CA14: variants seen among roughly 807,000 people sequenced by gnomAD.
CA14 encodes the protein CA-XIV.
CA14 carries 44 observed loss-of-function variants against 48.8 expected under a neutral mutation model. The ratio of observed to expected loss-of-function variants is 0.90; its 90% CI spans 0.71 to 1.16. The LOEUF is 1.16. CA14 is among the 50% of genes most tolerant of loss of function. The pLI, the probability that CA14 is intolerant of heterozygous loss-of-function variation, is 0.00. For synonymous variants in CA14, 154 were observed against 155.0 expected (o/e 0.99, Z 0.05); for missense variants, 386 against 401.0 (o/e 0.96, Z 0.32).
intron 2 of CA14, chr1:150,261,146 C>T (rs1455724927): frequency 2.8e-6 from 1 of 359,610 alleles, no homozygotes; most frequent in Non-Finnish European, 5.1e-6. Context: ...TATGCATCCC[C>T]TCTGCCCTCA....
At chr1:150,261,699 T>C in intron 3 of CA14, 61 bp downstream of exon 3, 1 of 1,495,552 alleles carries the variant, frequency 6.7e-7, no homozygotes, top group Non-Finnish European at 9.1e-7. Context: ...GTCAGATCCT[T>C]TTGTAGTTCA....
In CA14 at chr1:150,261,648, C is replaced by A; in HGVS notation, c.256+10C>A. ...AACAATGGCCACACAGGTAAAAGCA[C>A]AGGCTCCAAGGAGTTGTAGGCTCCA... On this transcript the variant is annotated intron_variant, in intron 3 of 10. Coordinates refer to ENST00000369111, the MANE Select transcript of CA14 (RefSeq NM_012113.3). 6.2e-7 allele frequency: 1 copy of A among 1,612,488 alleles called. No homozygotes were observed. The highest frequency in any genetic ancestry group is 8.5e-7 in the Non-Finnish European group (1 of 1,179,052).
rs782536133 is a variant in CA14, at chr1:150,261,526, C to A, written c.144C>A (p.Ile48=). 2 of 1,614,108 alleles carry A rather than the reference C, an allele frequency of 1.2e-6. No homozygotes were observed. The highest frequency in any genetic ancestry group is 2.2e-5 in the South Asian group (2 of 91,080). ...GTGGAAACAATGCCCAGTCGCCCAT[C>A]GATATTCAGACAGACAGTGTGACAT... ...PECGNNAQSP[I]DIQTDSVTFD... Residue 48 remains isoleucine, a synonymous_variant, in exon 3 of 11, where the codon ATC becomes ATA. Coordinates refer to ENST00000369111, the MANE Select transcript of CA14 (RefSeq NM_012113.3).
chr1:150,263,808 C>A lies in CA14; in HGVS notation c.877C>A (p.Leu293Ile). ...SSYTTGEMLS[L>I]GVGILVGCLC... ...ATCTCCCCCAGGTGAAATGCTGAGT[C>A]TAGGTGTAGGAATCTTGGTTGGCTG... The change falls in exon 10 of 11, where the codon CTA becomes ATA. Residue 293 changes from leucine to isoleucine, a missense_variant. Leu to Ile is a conservative substitution (Grantham distance 5). Coordinates refer to ENST00000369111, the MANE Select transcript of CA14 (RefSeq NM_012113.3). 1.9e-6 allele frequency: 3 copies of A among 1,613,860 alleles called. No homozygotes were observed. The highest frequency in any genetic ancestry group is 2.5e-6 in the Non-Finnish European group (3 of 1,179,862).
intron 5 of CA14, 58 bp from the exon 6 acceptor site, chr1:150,262,746 A>T: frequency 6.9e-7 from 1 of 1,449,188 alleles, no homozygotes; most frequent in Non-Finnish European, 9.7e-7. Context: ...TCTGTACATA[A>T]ATTTCTTATT....
At chr1:150,258,300 C>T (rs1650719498) in intron 1 of CA14, 117 bp downstream of exon 1, 1 of 712,444 alleles carries the variant, frequency 1.4e-6, no homozygotes, top group Non-Finnish European at 2.3e-6. Context: ...ATAATAGGCT[C>T]AGAGATGAGG....
Position 150,258,009 on chromosome 1 carries a change from C to A in CA14, c.-120C>A. On this transcript the variant is annotated 5_prime_UTR_variant, in exon 1 of 11. Transcript: ENST00000369111. ...CAAGAGAAGCAGAGATAAATACACT[C>A]ACGCCAGGAGCTCGCTCGCTCTCTC... 1 of 617,492 alleles carries A rather than the reference C, an allele frequency of 1.6e-6. No individual in the cohort carries two copies. Among genetic ancestry groups the A allele is most frequent in the Non-Finnish European group, 2.7e-6 (1 of 369,602 alleles). 38.3% of individuals were successfully genotyped at this position (617,492 alleles called of 1,614,324 possible).
chr1:150,259,308 G>T (rs587615928), intron 1 of CA14, among the ~76,000 whole-genome samples: 1 of 152,256 alleles, frequency 6.6e-6, no homozygotes, highest in South Asian at 2.1e-4. Context: ...GAAGGCCTTC[G>T]TTTTCTTCTT....
At chr1:150,260,245 G>A (rs782184417) in intron 2 of CA14, 74 bp downstream of exon 2, 17 of 1,458,520 alleles carry the variant, frequency 1.2e-5, no homozygotes, top group Admixed American at 8.4e-5. Flanking sequence ...GACACACTGT[G>A]CGGGTGGGAG....
At chr1:150,258,240 G>C (rs1650710951) in intron 1 of CA14, 57 bp downstream of exon 1, 1 of 1,465,844 alleles carries the variant, frequency 6.8e-7, no homozygotes, top group South Asian at 1.2e-5. Context: ...ATGTCGCCAG[G>C]TGTGCTTAAT....
Position 150,262,547 on chromosome 1 carries a change from C to CTT in CA14, c.423_424insTT (p.Asp142LeufsTer7). Reference sequence around the variant, plus strand: ...TAGCTCCACATTGTACATTATGACTCTGATTCCTATGACAGCTTGAGTGAG... The same window carrying CTT: ...TAGCTCCACATTGTACATTATGACTCTTTGATTCCTATGACAGCTTGAGTGAG... On this transcript the variant is annotated frameshift_variant, in exon 5 of 11. Transcript: ENST00000369111. LOFTEE classifies it high-confidence loss of function. 3.7e-6 allele frequency: 6 copies of CTT among 1,613,880 alleles called. No homozygotes were observed. Among genetic ancestry groups the CTT allele is most frequent in the Non-Finnish European group, 5.1e-6 (6 of 1,179,780 alleles).
intron 1 of CA14, among the ~76,000 whole-genome samples, chr1:150,259,387 C>T (rs1439739208): frequency 1.3e-5 from 2 of 152,120 alleles, no homozygotes; most frequent in African/African-American, 4.8e-5. Flanking sequence ...CAGGACTGCA[C>T]GAGAGCCTGG....
intron 3 of CA14, among the ~76,000 whole-genome samples, 172 bp downstream of exon 3, chr1:150,261,810 C>G (rs897685640): frequency 1.3e-5 from 2 of 152,126 alleles, no homozygotes; most frequent in African/African-American, 4.8e-5. Flanking sequence ...AATAAACAAA[C>G]AAATAACCTC....
chr1:150,260,393 T>C (rs1650911523), intron 2 of CA14: 1 of 652,308 alleles, frequency 1.5e-6, no homozygotes, highest in African/African-American at 1.8e-5. Flanking sequence ...GCTAGTTAAG[T>C]CCTCAGTAAA....
rs1421108900 is a variant in CA14, at chr1:150,264,916, A to AGTT, written c.*259_*261dup. 3.0e-6 allele frequency: 1 copy of AGTT among 328,148 alleles called. No homozygotes were observed. The highest frequency in any genetic ancestry group is 2.1e-5 in the African/African-American group (1 of 47,492). 20.3% of individuals were successfully genotyped at this position (328,148 alleles called of 1,614,324 possible). A position where few individuals can be genotyped will look rare whatever the true frequency, so the allele number is the denominator to read the frequency against. On this transcript the variant is annotated 3_prime_UTR_variant, in exon 11 of 11. Transcript: ENST00000369111. ...TTAATGCAGAGAACAAACTCTGTTT[A>AGTT]GTTGCAGGGGAAGTTTGGGATATAC...
intron 8 of CA14, 53 bp downstream of exon 8, chr1:150,263,472 G>A (rs1276482247): frequency 1.9e-6 from 3 of 1,608,832 alleles, no homozygotes; most frequent in Non-Finnish European, 2.5e-6. Context: ...CACAATGGCA[G>A]GAACTAGGGA....
Position 150,263,307 on chromosome 1 carries a change from G to T in CA14, c.729G>T (p.Lys243Asn), listed in dbSNP as rs1651253004. 6.2e-7 allele frequency: 1 copy of T among 1,614,188 alleles called. No individual in the cohort carries two copies. The highest frequency in any genetic ancestry group is 1.3e-5 in the African/African-American group (1 of 75,048). ...ACGCTTCTGCTCCTCAGCTGGAAAA[G>T]CTTCAGGGGACATTGTTCTCCACAG... ...RSQISMEQLE[K>N]LQGTLFSTEE... The change falls in exon 8 of 11, where the codon AAG becomes AAT. Residue 243 changes from lysine to asparagine, a missense_variant. Lys to Asn is a moderately conservative substitution (Grantham distance 94). Coordinates refer to ENST00000369111, the MANE Select transcript of CA14 (RefSeq NM_012113.3).
chr1:150,263,174 G>C lies in CA14; in HGVS notation c.695G>C (p.Arg232Thr). 5.0e-6 allele frequency: 8 copies of C among 1,614,106 alleles called. No individual in the cohort carries two copies. The highest frequency in any genetic ancestry group is 6.8e-6 in the Non-Finnish European group (8 of 1,180,022). ...YQSVLWTVFY[R>T]RSQISMEQLE... ...AGTGTGCTCTGGACAGTTTTTTATA[G>C]AAGGTCCCAGATTTCAATGGAACAG... is the stretch of plus-strand genomic sequence containing the variant. Residue 232 changes from arginine to threonine, a missense_variant, in exon 7 of 11, where the codon AGA becomes ACA. Coordinates refer to ENST00000369111, the MANE Select transcript of CA14 (RefSeq NM_012113.3).
intron 1 of CA14, 109 bp downstream of exon 1, chr1:150,258,292 A>G (rs1553847155): frequency 6.1e-6 from 5 of 823,126 alleles, no homozygotes; most frequent in Non-Finnish European, 9.7e-6. Context: ...AGGCTGGAAT[A>G]ATAGGCTCAG....
Sources: gnomAD v4.1 joint callset for allele counts (sites outside exome capture counted in the v4.1 genomes callset) on GRCh38, gnomAD v4.1.1 for gene constraint, MANE v1.5 for transcripts, NCBI Gene and HGNC (gene_info 2026-07-23, HGNC 2026-07-21) for gene names.